Variants in ALKBH8 observed in about 807,000 individuals in gnomAD.
ALKBH8 encodes alkB homolog 8, tRNA methyltransferase, also known as tRNA (carboxymethyluridine(34)-5-O)-methyltransferase ALKBH8.
In ALKBH8, 36 loss-of-function variants were observed where a neutral mutation model predicts 59.8. The observed-to-expected ratio is 0.60, with a 90% confidence interval of 0.46 to 0.79. The LOEUF is 0.79. Ranked by LOEUF, ALKBH8 falls within the 30% of genes least tolerant of loss-of-function variation. The probability of loss-of-function intolerance (pLI) is 0.00; values close to 1 mark genes in which losing one functional copy is unlikely to be tolerated. For synonymous variants in ALKBH8, 276 were observed against 273.6 expected (o/e 1.01, Z -0.09); for missense variants, 768 against 801.0 (o/e 0.96, Z 0.50).
At chr11:107,532,503 CAG>C in intron 7 of ALKBH8, 97 bp from the exon 8 acceptor site, 1 of 964,270 alleles carries the variant, frequency 1.0e-6, no homozygotes, top group Non-Finnish European at 1.6e-6. Context: ...TCTAGGCTAA[CAG>C]AGATTAAAAC....
chr11:107,560,844 T>A lies in ALKBH8; in HGVS notation c.50A>T (p.Lys17Met), dbSNP rs1406378847. The change falls in exon 2 of 12, where the codon AAG becomes ATG. Residue 17 changes from lysine (K) to methionine (M), a missense_variant. Physicochemically the swap from Lys to Met is moderately conservative, Grantham distance 95 (BLOSUM62 -1). Coordinates refer to ENST00000428149, the MANE Select transcript of ALKBH8 (RefSeq NM_138775.3). ...SNYKLSKTEK[K>M]FLRKQIKAKH... ...GGCTTTAATCTGTTTCCTTAAGAACTTCTTCTCAGTTTTACTGAGTTTGTA... is the reference window on the plus strand; with the variant it reads ...GGCTTTAATCTGTTTCCTTAAGAACATCTTCTCAGTTTTACTGAGTTTGTA... 2.2e-5 allele frequency: 35 copies of A among 1,613,218 alleles called. No homozygotes were observed. Among genetic ancestry groups the A allele is most frequent in the Non-Finnish European group, 2.7e-5 (32 of 1,179,532 alleles).
At chr11:107,522,628 A>T in intron 9 of ALKBH8, 73 bp from the exon 10 acceptor site, 1 of 877,972 alleles carries the variant, frequency 1.1e-6, no homozygotes, top group Non-Finnish European at 1.5e-6. Flanking sequence ...TTCTTAAATG[A>T]AAAAAAAAAA....
chr11:107,542,729 G>A (rs73002096), intron 7 of ALKBH8, among the ~76,000 whole-genome samples: 30,627 of 152,040 alleles, frequency 0.2, 3,862 homozygotes, highest in South Asian at 0.37. Context: ...GGGCAACAGG[G>A]CAAAACCCCG....
intron 10 of ALKBH8, 72 bp downstream of exon 10, chr11:107,522,227 A>G: frequency 1.3e-6 from 2 of 1,491,214 alleles, no homozygotes; most frequent in Non-Finnish European, 1.8e-6. Flanking sequence ...ACAGGATTAT[A>G]TCATGAGGAA....
At chr11:107,558,003 T>C (rs1461005702) in intron 2 of ALKBH8, among the ~76,000 whole-genome samples, 7 of 152,234 alleles carry the variant, frequency 4.6e-5, no homozygotes, top group African/African-American at 9.6e-5. Flanking sequence ...AAGAGGTAGA[T>C]AGTAAATATT....
chr11:107,519,403 C>A (rs928049756), intron 10 of ALKBH8, among the ~76,000 whole-genome samples: 4 of 152,072 alleles, frequency 2.6e-5, no homozygotes, highest in Non-Finnish European at 4.4e-5. Context: ...CTGTGCCCAG[C>A]CTATTATTTT....
At chr11:107,510,751 A>G in intron 11 of ALKBH8, 136 bp downstream of exon 11, 1 of 971,202 alleles carries the variant, frequency 1.0e-6, no homozygotes, top group South Asian at 1.8e-5. Context: ...CTCTCTTACA[A>G]AGAGGGAAAA....
At chr11:107,538,219 A>G (rs887818031) in intron 7 of ALKBH8, among the ~76,000 whole-genome samples, 8 of 135,144 alleles carry the variant, frequency 5.9e-5, no homozygotes, top group African/African-American at 2.2e-4. Flanking sequence ...ATTTGACAGT[A>G]TATTTTTTTA....
chr11:107,554,824 A>G (rs1359049088), intron 3 of ALKBH8, among the ~76,000 whole-genome samples: 1 of 152,260 alleles, frequency 6.6e-6, no homozygotes, highest in Non-Finnish European at 1.5e-5. Context: ...AACTTTGCAA[A>G]GAATTCCTTA....
At chr11:107,549,691 T>C (rs1864413420) in intron 7 of ALKBH8, 62 bp downstream of exon 7, 1 of 1,163,608 alleles carries the variant, frequency 8.6e-7, no homozygotes, top group Non-Finnish European at 1.2e-6. Flanking sequence ...GTGGATAATC[T>C]TTGAAAAGGG....
rs577147811 is a variant in ALKBH8 at position 107,518,398 on chromosome 11, G to A, written c.1287+3901C>T. 7.9e-5 allele frequency among the ~76,000 whole-genome samples: 12 copies of A among 152,324 alleles called. No individual in the cohort carries two copies. In the South Asian group the frequency reaches 2.5e-3, roughly 32 times the overall value. ...CAGCCCTGAACTCCTGGAGAGCTGG[G>A]ACTACAGGTGTTGGGAACAGGCCCC... On this transcript the variant is annotated intron_variant, in intron 10 of 11. Transcript: ENST00000428149.
Position 107,503,550 on chromosome 11 carries a change from C to T in ALKBH8, c.*1108G>A, listed in dbSNP as rs1231966153. ...GATAATTTGACCTATGGTTGAATTTCTACCTTTGTTCCTCCAGGAAATCTA... is the reference window on the plus strand; with the variant it reads ...GATAATTTGACCTATGGTTGAATTTTTACCTTTGTTCCTCCAGGAAATCTA... On this transcript the variant is annotated 3_prime_UTR_variant, in exon 12 of 12. Transcript: ENST00000428149. 1 of 152,138 alleles carries T rather than the reference C, an allele frequency of 6.6e-6. No individual in the cohort carries two copies. The highest frequency in any genetic ancestry group is 1.5e-5 in the Non-Finnish European group (1 of 68,010). The allele number at this position is 152,138 out of a possible 1,614,324, so 9.4% of individuals were successfully genotyped here. A position where few individuals can be genotyped will look rare whatever the true frequency, so the allele number is the denominator to read the frequency against.
chr11:107,543,036 C>T (rs1864109349), intron 7 of ALKBH8, among the ~76,000 whole-genome samples: 1 of 152,138 alleles, frequency 6.6e-6, no homozygotes, highest in African/African-American at 2.4e-5. Context: ...CGGTGAATCG[C>T]TGAAAACAAA....
At chr11:107,554,202 T>C (rs1422564985) in intron 3 of ALKBH8, among the ~76,000 whole-genome samples, 1 of 152,194 alleles carries the variant, frequency 6.6e-6, no homozygotes, top group Non-Finnish European at 1.5e-5. Context: ...AACAGAACAG[T>C]ATTTATTTAA....
At chr11:107,560,707 T>C (rs1864899363) in intron 2 of ALKBH8, 58 bp downstream of exon 2, 2 of 1,472,436 alleles carry the variant, frequency 1.4e-6, no homozygotes, top group Admixed American at 2.0e-5. Context: ...AATATTAATA[T>C]AATACATTAA....
rs556341054 is a variant in ALKBH8, at chr11:107,509,754, T to C, written c.1437+1133A>G. Among the ~76,000 whole-genome samples, 32 of 152,318 alleles carry C rather than the reference T, an allele frequency of 2.1e-4. No individual in the cohort carries two copies. The East Asian group carries it at 6.0e-3, about 28-fold the overall frequency. On this transcript the variant is annotated intron_variant, in intron 11 of 11. Transcript: ENST00000428149. Reference sequence around the variant, plus strand: ...TTTTTTAAATAAATGACAATAGATATGTAGAGAAAGTTGGACATGACAGAT... The same window carrying C: ...TTTTTTAAATAAATGACAATAGATACGTAGAGAAAGTTGGACATGACAGAT...
intron 11 of ALKBH8, among the ~76,000 whole-genome samples, chr11:107,507,817 G>C (rs1862453705): frequency 6.6e-6 from 1 of 152,158 alleles, no homozygotes; most frequent in Non-Finnish European, 1.5e-5. Flanking sequence ...ATGTGGCACA[G>C]GTCAGTAGAC....
intron 10 of ALKBH8, among the ~76,000 whole-genome samples, chr11:107,516,241 C>T (rs964807250): frequency 6.6e-6 from 1 of 152,190 alleles, no homozygotes; most frequent in African/African-American, 2.4e-5. Context: ...CCACATTCTT[C>T]CTTCTTATCC....
intron 7 of ALKBH8, among the ~76,000 whole-genome samples, chr11:107,544,105 T>C (rs1864156123): frequency 6.6e-6 from 1 of 152,228 alleles, no homozygotes; most frequent in Non-Finnish European, 1.5e-5. Flanking sequence ...TTCTGAACTC[T>C]ATTGATTTTT....
Sources: gnomAD v4.1 joint callset for allele counts (sites outside exome capture counted in the v4.1 genomes callset) on GRCh38, gnomAD v4.1.1 for gene constraint, MANE v1.5 for transcripts, NCBI Gene and HGNC (gene_info 2026-07-23, HGNC 2026-07-21) for gene names.